RIMS1: variants seen among roughly 807,000 people sequenced by gnomAD.
RIMS1 encodes regulating synaptic membrane exocytosis protein 1.
A neutral mutation model predicts 214.1 loss-of-function variants in RIMS1; 83 were observed. That is an observed-to-expected ratio of 0.39 (90% CI 0.32 to 0.47). The LOEUF is 0.47. Among genes scored for constraint, RIMS1 ranks in the 20% least tolerant of loss-of-function variants. The probability of loss-of-function intolerance (pLI) is 0.99; values close to 1 mark genes in which losing one functional copy is unlikely to be tolerated. For synonymous variants in RIMS1, 793 were observed against 786.8 expected (o/e 1.01, Z -0.13); for missense variants, 2,050 against 2,161.8 (o/e 0.95, Z 1.03).
intron 12 of RIMS1, among the ~76,000 whole-genome samples, chr6:72,249,269 T>G (rs1254963674): frequency 6.6e-6 from 1 of 152,260 alleles, no homozygotes; most frequent in African/African-American, 2.4e-5. Flanking sequence ...TCATCACCAC[T>G]GCCAGGGCAG....
intron 2 of RIMS1, among the ~76,000 whole-genome samples, chr6:71,989,492 A>T: frequency 6.6e-6 from 1 of 152,176 alleles, no homozygotes; most frequent in Admixed American, 6.5e-5. Flanking sequence ...TAAGGGCATA[A>T]TTTTATTTAA....
chr6:71,952,045 C>T (rs1250581293), intron 1 of RIMS1, among the ~76,000 whole-genome samples: 1 of 152,098 alleles, frequency 6.6e-6, no homozygotes, highest in East Asian at 1.9e-4. Context: ...AGATTGGTGG[C>T]CCTATGACAG....
intron 1 of RIMS1, among the ~76,000 whole-genome samples, chr6:71,926,395 G>A (rs1781573824): frequency 1.3e-5 from 2 of 152,118 alleles, no homozygotes; most frequent in Admixed American, 6.5e-5. Context: ...ATGTTTAGCT[G>A]TACAAAAGTC....
At chr6:72,311,339 G>C (rs1408077685) in intron 27 of RIMS1, among the ~76,000 whole-genome samples, 3 of 152,166 alleles carry the variant, frequency 2.0e-5, no homozygotes, top group African/African-American at 7.2e-5. Flanking sequence ...ACATAATTGA[G>C]TTTTTAGCAC....
At chr6:72,053,548 G>A (rs978658426) in intron 2 of RIMS1, among the ~76,000 whole-genome samples, 1 of 152,004 alleles carries the variant, frequency 6.6e-6, no homozygotes, top group African/African-American at 2.4e-5. Flanking sequence ...TACCTAGAGT[G>A]TTTTTGGCAT....
At chr6:71,953,863 T>G (rs1402680066) in intron 1 of RIMS1, among the ~76,000 whole-genome samples, 2 of 152,200 alleles carry the variant, frequency 1.3e-5, no homozygotes, top group African/African-American at 4.8e-5. Context: ...ATTACAGCTC[T>G]GAGACTATTT....
At position 72,158,802 on chromosome 6, in the gene RIMS1, C is replaced by T. The variant is rs1390519587; in HGVS notation, c.472-20773C>T. ...ATGTGCCACATTTTCTTAATCCAGT[C>T]TATCATTGTTGGACATTGGATTGGT... On this transcript the variant is annotated intron_variant, in intron 4 of 33. Transcript: ENST00000521978. Among the ~76,000 whole-genome samples, 2 of 139,890 alleles carry T rather than the reference C, an allele frequency of 1.4e-5. 1 individual carries two copies. Among genetic ancestry groups the T allele is most frequent in the Non-Finnish European group, 3.2e-5 (2 of 61,686 alleles). 91.8% of individuals were successfully genotyped at this position (139,890 alleles called of 152,430 possible). A position where few individuals can be genotyped will look rare whatever the true frequency, so the allele number is the denominator to read the frequency against.
At chr6:72,260,851 A>G (rs2077659432) in intron 19 of RIMS1, 84 bp downstream of exon 19, 3 of 1,562,774 alleles carry the variant, frequency 1.9e-6, no homozygotes, top group African/African-American at 1.4e-5. Context: ...CCTTAGTGGT[A>G]TTATTACAAG....
intron 19 of RIMS1, chr6:72,263,020 C>G (rs1403364008): frequency 1.3e-6 from 1 of 776,358 alleles, no homozygotes; most frequent in Non-Finnish European, 1.6e-6. Context: ...TATTTTACGA[C>G]TAATAGAGTA....
At chr6:72,192,757 T>C (rs1474740927) in intron 6 of RIMS1, among the ~76,000 whole-genome samples, 3 of 152,158 alleles carry the variant, frequency 2.0e-5, no homozygotes, top group Non-Finnish European at 2.9e-5. Context: ...AGTATCTAAT[T>C]ATTCCAGTTG....
chr6:72,035,305 A>G (rs1324739099), intron 2 of RIMS1, among the ~76,000 whole-genome samples: 1 of 152,120 alleles, frequency 6.6e-6, no homozygotes, highest in Non-Finnish European at 1.5e-5. Flanking sequence ...GTGAGGGCTG[A>G]TTATTTCCCA....
At chr6:71,995,523 T>C (rs1231170048) in intron 2 of RIMS1, among the ~76,000 whole-genome samples, 4 of 151,326 alleles carry the variant, frequency 2.6e-5, no homozygotes, top group African/African-American at 4.9e-5. Flanking sequence ...TGTGTTTGTT[T>C]GTGTGTGTGT....
Position 71,932,721 on chromosome 6 carries a change from C to T in RIMS1, c.165-36262C>T, listed in dbSNP as rs530459745. ...TAACTCCTGGGCTTAAGCAATCCTT[C>T]TCCTTTAGCCTCCAGAGCAGCTGGA... On this transcript the variant is annotated intron_variant, in intron 1 of 33. Transcript: ENST00000521978. Among the ~76,000 whole-genome samples, 40 of 152,244 alleles carry T rather than the reference C, an allele frequency of 2.6e-4. No homozygotes were observed. The South Asian group carries it at 5.4e-3, about 21-fold the overall frequency.
chr6:72,272,407 G>A (rs570523394), intron 22 of RIMS1, among the ~76,000 whole-genome samples: 40 of 152,132 alleles, frequency 2.6e-4, no homozygotes, highest in African/African-American at 8.2e-4. Context: ...TCCTGCTCTC[G>A]TTGTATCCAC....
chr6:71,909,375 G>A (rs1465458466), intron 1 of RIMS1, among the ~76,000 whole-genome samples: 2 of 152,162 alleles, frequency 1.3e-5, no homozygotes, highest in South Asian at 2.1e-4. Flanking sequence ...TAGATACCAC[G>A]GAGTGTGTTT....
intron 23 of RIMS1, among the ~76,000 whole-genome samples, chr6:72,282,111 G>A (rs2090408934): frequency 6.6e-6 from 1 of 152,032 alleles, no homozygotes; most frequent in Admixed American, 6.6e-5. Context: ...ACTCTCATCT[G>A]CTCTACTTGT....
chr6:72,293,086 A>G (rs1026219694), intron 26 of RIMS1, among the ~76,000 whole-genome samples: 5 of 152,026 alleles, frequency 3.3e-5, no homozygotes, highest in Admixed American at 1.3e-4. Context: ...CTGATGTGGC[A>G]TAGATTGCCA....
intron 2 of RIMS1, among the ~76,000 whole-genome samples, chr6:72,079,749 G>T: frequency 6.6e-6 from 1 of 152,008 alleles, no homozygotes; most frequent in Admixed American, 6.6e-5. Flanking sequence ...GCCAGGCATG[G>T]TGGGGCGTGC....
chr6:72,322,661 T>A (rs1230602850), intron 28 of RIMS1, among the ~76,000 whole-genome samples: 1 of 151,838 alleles, frequency 6.6e-6, no homozygotes, highest in Non-Finnish European at 1.5e-5. Flanking sequence ...AGGCAGAAAT[T>A]TGAGTAGTTT....
Sources: gnomAD v4.1 joint callset for allele counts (sites outside exome capture counted in the v4.1 genomes callset) on GRCh38, gnomAD v4.1.1 for gene constraint, MANE v1.5 for transcripts, NCBI Gene and HGNC (gene_info 2026-07-23, HGNC 2026-07-21) for gene names.